Variants in EGFR observed in about 807,000 individuals in gnomAD.
EGFR encodes the protein avian erythroblastic leukemia viral (v-erb-b) oncogene homolog.
A neutral mutation model predicts 143.0 loss-of-function variants in EGFR; 58 were observed. The ratio of observed to expected loss-of-function variants is 0.41; its 90% CI spans 0.33 to 0.50. The LOEUF (loss-of-function observed/expected upper bound fraction) is 0.50. Among genes scored for constraint, EGFR ranks in the 20% least tolerant of loss-of-function variants. The pLI is 0.39. For missense variants in EGFR, 1,307 were observed against 1,579.0 expected (o/e 0.83, Z 2.92); for synonymous variants, 613 against 594.4 (o/e 1.03, Z -0.45).
At chr7:55,145,462 C>T (rs1413795106) in intron 3 of EGFR, among the ~76,000 whole-genome samples, 1 of 152,228 alleles carries the variant, frequency 6.6e-6, no homozygotes, top group African/African-American at 2.4e-5. Context: ...GAAGCCTGTT[C>T]CACTGTTTCC....
intron 12 of EGFR, 142 bp from the exon 13 acceptor site, chr7:55,161,357 C>A: frequency 8.4e-7 from 1 of 1,195,474 alleles, no homozygotes; most frequent in African/African-American, 1.5e-5. Context: ...CAGTCTGTGT[C>A]CTCCTCCTTC....
chr7:55,020,659 T>C (rs1786508926), intron 1 of EGFR, among the ~76,000 whole-genome samples: 2 of 151,906 alleles, frequency 1.3e-5, no homozygotes, highest in Admixed American at 1.3e-4. Context: ...TCTGGCTTCG[T>C]GACTACCGAC....
At chr7:55,032,502 G>A (rs950267393) in intron 1 of EGFR, among the ~76,000 whole-genome samples, 1 of 152,154 alleles carries the variant, frequency 6.6e-6, no homozygotes, top group African/African-American at 2.4e-5. Flanking sequence ...GGCAGGCAGC[G>A]GCCTGGCATC....
chr7:55,064,448 T>G (rs1213688144), intron 1 of EGFR, among the ~76,000 whole-genome samples: 1 of 152,250 alleles, frequency 6.6e-6, no homozygotes, highest in Non-Finnish European at 1.5e-5. Flanking sequence ...CCAGAAAGGA[T>G]CCTTTACTGT....
chr7:55,081,733 T>A (rs1408555848), intron 1 of EGFR, among the ~76,000 whole-genome samples: 1 of 146,332 alleles, frequency 6.8e-6, no homozygotes, highest in Non-Finnish European at 1.5e-5. Flanking sequence ...TTTTTTTTTT[T>A]ATTTGCAAGC....
At chr7:55,080,621 A>G (rs2128889604) in intron 1 of EGFR, among the ~76,000 whole-genome samples, 1 of 152,300 alleles carries the variant, frequency 6.6e-6, no homozygotes, top group South Asian at 2.1e-4. Context: ...GATCTATTGC[A>G]CATCATGGTA....
intron 1 of EGFR, among the ~76,000 whole-genome samples, chr7:55,052,025 C>T (rs921347529): frequency 1.3e-5 from 2 of 152,152 alleles, no homozygotes; most frequent in Non-Finnish European, 2.9e-5. Context: ...CCACTGAGTC[C>T]AGAACTGTAT....
intron 1 of EGFR, among the ~76,000 whole-genome samples, chr7:55,130,015 C>G (rs1309129339): frequency 6.6e-6 from 1 of 152,202 alleles, no homozygotes; most frequent in Admixed American, 6.5e-5. Flanking sequence ...TGGCTGCGTT[C>G]ACACTATCCC....
At chr7:55,133,435 G>A (rs1793966271) in intron 1 of EGFR, among the ~76,000 whole-genome samples, 1 of 152,232 alleles carries the variant, frequency 6.6e-6, no homozygotes, top group African/African-American at 2.4e-5. Flanking sequence ...AGTCAGAGGG[G>A]AAGGGAGGTA....
chr7:55,168,482 G>C (rs142133594), intron 15 of EGFR: 2 of 1,126,318 alleles, frequency 1.8e-6, no homozygotes, highest in Non-Finnish European at 2.7e-6. Context: ...AATTAAAAAT[G>C]TTAGTGGTCA....
chr7:55,041,146 C>T (rs954906496), intron 1 of EGFR, among the ~76,000 whole-genome samples: 1 of 152,232 alleles, frequency 6.6e-6, no homozygotes, highest in Non-Finnish European at 1.5e-5. Context: ...GGCGCAGTGG[C>T]TCATGCCTTT....
intron 1 of EGFR, among the ~76,000 whole-genome samples, chr7:55,104,823 A>G (rs1414756410): frequency 6.6e-6 from 1 of 152,230 alleles, no homozygotes; most frequent in Non-Finnish European, 1.5e-5. Flanking sequence ...TTTACAACGC[A>G]GTAGGAAGTG....
chr7:55,148,962 T>G (rs1337405818), intron 4 of EGFR, among the ~76,000 whole-genome samples: 1 of 152,174 alleles, frequency 6.6e-6, no homozygotes, highest in Non-Finnish European at 1.5e-5. Context: ...TATGTTGAAG[T>G]TGGGCATTAG....
chr7:55,070,596 C>T (rs774881931), intron 1 of EGFR, among the ~76,000 whole-genome samples: 2 of 152,214 alleles, frequency 1.3e-5, no homozygotes, highest in Non-Finnish European at 2.9e-5. Flanking sequence ...ACTTTGCCAT[C>T]CTCCAGTCCA....
chr7:55,189,584 A>C (rs1787297120), intron 20 of EGFR, among the ~76,000 whole-genome samples: 1 of 152,222 alleles, frequency 6.6e-6, no homozygotes, highest in African/African-American at 2.4e-5. Context: ...TTGTGGGCTT[A>C]ATGAATATGT....
chr7:55,057,376 A>T (rs1388076620), intron 1 of EGFR, among the ~76,000 whole-genome samples: 1 of 152,194 alleles, frequency 6.6e-6, no homozygotes, highest in Non-Finnish European at 1.5e-5. Context: ...CTCTTAATTA[A>T]GCATCTCATA....
chr7:55,101,454 T>C (rs140856779), intron 1 of EGFR, among the ~76,000 whole-genome samples: 1 of 152,362 alleles, frequency 6.6e-6, no homozygotes, highest in African/African-American at 2.4e-5. Flanking sequence ...AATTCTCACC[T>C]ACTGAGAAAT....
chr7:55,084,140 AT>A (rs1257348952), intron 1 of EGFR, among the ~76,000 whole-genome samples: 36 of 152,370 alleles, frequency 2.4e-4, no homozygotes, highest in African/African-American at 8.7e-4. Flanking sequence ...CACAAATGTC[AT>A]AGCTTAAAAC....
At chr7:55,147,663 C>A (rs969286395) in intron 4 of EGFR, among the ~76,000 whole-genome samples, 1 of 152,206 alleles carries the variant, frequency 6.6e-6, no homozygotes, top group African/African-American at 2.4e-5. Context: ...TTGTAAGTTA[C>A]AATGTCAGTG....
Sources: allele counts gnomAD v4.1 joint callset (sites outside exome capture counted in the v4.1 genomes callset), GRCh38; gene constraint gnomAD v4.1.1; transcripts MANE v1.5; gene names NCBI Gene and HGNC (gene_info 2026-07-23, HGNC 2026-07-21).